Variants in TPD52L1 observed in about 807,000 individuals in gnomAD.
The protein encoded by TPD52L1 is TPD52 like 1.
TPD52L1 carries 18 observed loss-of-function variants against 28.7 expected under a neutral mutation model. The observed-to-expected ratio is 0.63, with a 90% CI of 0.43 to 0.93. The LOEUF (loss-of-function observed/expected upper bound fraction) is 0.93. TPD52L1 is among the 40% of genes least tolerant of loss of function. The pLI is 0.00. For synonymous variants in TPD52L1, 75 were observed against 88.8 expected, an observed-to-expected ratio of 0.84 and a Z score of 0.88; for missense variants, 203 against 254.8, an observed-to-expected ratio of 0.80 and a Z score of 1.39.
intron 1 of TPD52L1, among the ~76,000 whole-genome samples, chr6:125,163,831 C>G (rs1236347260): frequency 6.7e-6 from 1 of 149,118 alleles, no homozygotes; most frequent in African/African-American, 2.5e-5. Flanking sequence ...GCAGGAGAAT[C>G]ACTTGAACTT....
chr6:125,260,991 A>T lies in TPD52L1; in HGVS notation c.487-1843A>T, dbSNP rs1209037078. 6.0e-3 allele frequency: 261 copies of T among 43,256 alleles called. 22 individuals carry two copies. Among genetic ancestry groups the T allele is most frequent in the African/African-American group, 0.045 (243 of 5,410 alleles). The allele number at this position is 43,256 out of a possible 1,614,324, so 2.7% of individuals were successfully genotyped here. A position where few individuals can be genotyped will look rare whatever the true frequency, so the allele number is the denominator to read the frequency against. ...AAGAAAGAAAGAAAAGAAAAGAAAGAAAGAAAGAAAGAAAGAAAGAAAGAA... is the reference window on the plus strand; with the variant it reads ...AAGAAAGAAAGAAAAGAAAAGAAAGTAAGAAAGAAAGAAAGAAAGAAAGAA... On this transcript the variant is annotated intron_variant, in intron 6 of 6. Transcript: ENST00000534000.
At chr6:125,172,161 C>CTTTTCT (rs1415567083) in intron 1 of TPD52L1, among the ~76,000 whole-genome samples, 1 of 50,582 alleles carries the variant, frequency 2.0e-5, no homozygotes, top group Non-Finnish European at 4.1e-5. Flanking sequence ...TCTTTCTTTT[C>CTTTTCT]TTTCTTTCTT....
At chr6:125,246,806 C>T (rs149102287) in intron 3 of TPD52L1, among the ~76,000 whole-genome samples, 1 of 151,716 alleles carries the variant, frequency 6.6e-6, no homozygotes, top group Non-Finnish European at 1.5e-5. Flanking sequence ...CAAATTACCC[C>T]CTAGTCACCA....
intron 3 of TPD52L1, among the ~76,000 whole-genome samples, chr6:125,245,880 A>C (rs1011075605): frequency 6.6e-6 from 1 of 152,186 alleles, no homozygotes; most frequent in Non-Finnish European, 1.5e-5. Flanking sequence ...CCTCGCCCCT[A>C]CCTGTCTGCC....
chr6:125,172,124 CTT>C (rs1397345258), intron 1 of TPD52L1, among the ~76,000 whole-genome samples: 5 of 60,044 alleles, frequency 8.3e-5, no homozygotes, highest in East Asian at 1.6e-3. Context: ...TTCTTTCTTT[CTT>C]TCTTTCTTTC....
intron 3 of TPD52L1, among the ~76,000 whole-genome samples, chr6:125,243,856 G>A (rs1421666460): frequency 2.0e-5 from 3 of 151,892 alleles, no homozygotes; most frequent in Non-Finnish European, 4.4e-5. Flanking sequence ...ACCTTTCATG[G>A]GTGTTATAGA....
chr6:125,254,975 C>A (rs933012917), intron 5 of TPD52L1, among the ~76,000 whole-genome samples: 3 of 152,190 alleles, frequency 2.0e-5, no homozygotes, highest in Non-Finnish European at 2.9e-5. Flanking sequence ...GTATTTAGTT[C>A]TCTGTATTTG....
intron 2 of TPD52L1, among the ~76,000 whole-genome samples, chr6:125,220,597 C>T (rs927599624): frequency 1.3e-5 from 2 of 152,176 alleles, no homozygotes; most frequent in Non-Finnish European, 1.5e-5. Flanking sequence ...TCAACAATTA[C>T]TTTGAAATGA....
At chr6:125,229,058 G>T (rs1795783062) in intron 2 of TPD52L1, 60 bp from the exon 3 acceptor site, 2 of 1,569,274 alleles carry the variant, frequency 1.3e-6, no homozygotes, top group Non-Finnish European at 1.7e-6. Context: ...CAGAGCTTCT[G>T]TAAGTATCCT....
rs1791412592 is a variant in TPD52L1, at chr6:125,172,152, CTTT to C, written c.19+18183_19+18185del. 3.5e-4 allele frequency among the ~76,000 whole-genome samples: 18 copies of C among 51,344 alleles called. 1 individual carries two copies. The highest frequency in any genetic ancestry group is 1.3e-3 in the African/African-American group (15 of 11,510). The allele number at this position is 51,344 out of a possible 152,430, so 33.7% of individuals were successfully genotyped here. On this transcript the variant is annotated intron_variant, in intron 1 of 6. Transcript: ENST00000534000. ...TCTTTCTTTCTTTCTTTCTTTCTTT[CTTT>C]CTTTTCTTTCTTTCTTTCTTTCTTT...
chr6:125,177,998 A>G (rs989421206), intron 1 of TPD52L1, among the ~76,000 whole-genome samples: 2 of 152,186 alleles, frequency 1.3e-5, no homozygotes, highest in Admixed American at 1.3e-4. Context: ...ATTACTTACA[A>G]ATTTAGTAAC....
intron 1 of TPD52L1, among the ~76,000 whole-genome samples, chr6:125,172,173 CTTTCTTTCTT>C (rs1791437764): frequency 9.0e-6 from 1 of 111,132 alleles, no homozygotes; most frequent in Non-Finnish European, 1.8e-5. Context: ...TTCTTTCTTT[CTTTCTTTCTT>C]TCTTTCTTTC....
At chr6:125,230,506 T>C (rs1438466466) in intron 3 of TPD52L1, among the ~76,000 whole-genome samples, 2 of 152,186 alleles carry the variant, frequency 1.3e-5, no homozygotes, top group East Asian at 3.9e-4. Flanking sequence ...CAATTTTTCT[T>C]TCTCCTAGGC....
intron 1 of TPD52L1, among the ~76,000 whole-genome samples, chr6:125,181,115 G>C (rs962358103): frequency 3.9e-5 from 6 of 152,106 alleles, no homozygotes; most frequent in African/African-American, 1.4e-4. Context: ...AGTGAACCCA[G>C]TAATGAATAC....
intron 3 of TPD52L1, among the ~76,000 whole-genome samples, chr6:125,232,370 T>C (rs1054431017): frequency 3.3e-5 from 5 of 152,106 alleles, no homozygotes; most frequent in Admixed American, 6.6e-5. Context: ...CTTAATCATA[T>C]GTTTGGAGGA....
intron 1 of TPD52L1, among the ~76,000 whole-genome samples, chr6:125,183,042 A>C (rs1026296802): frequency 2.6e-5 from 4 of 152,202 alleles, no homozygotes; most frequent in African/African-American, 9.6e-5. Context: ...TCTTTATACA[A>C]TAAGTAGGAA....
At chr6:125,182,308 G>A (rs529474525) in intron 1 of TPD52L1, among the ~76,000 whole-genome samples, 2 of 152,312 alleles carry the variant, frequency 1.3e-5, no homozygotes, top group South Asian at 2.1e-4. Context: ...AGTGCACAGC[G>A]CTGTGTGACT....
intron 4 of TPD52L1, chr6:125,253,416 TG>T: frequency 9.7e-6 from 4 of 411,994 alleles, no homozygotes; most frequent in Non-Finnish European, 1.7e-5. Flanking sequence ...AAGATGCCCA[TG>T]GGCTACTGGG....
At chr6:125,172,604 TAA>T (rs1791564648) in intron 1 of TPD52L1, among the ~76,000 whole-genome samples, 1 of 123,016 alleles carries the variant, frequency 8.1e-6, no homozygotes, top group South Asian at 2.4e-4. Context: ...ATTATATATA[TAA>T]ATATATATAA....
Sources: allele counts gnomAD v4.1 joint callset (sites outside exome capture counted in the v4.1 genomes callset), GRCh38; gene constraint gnomAD v4.1.1; transcripts MANE v1.5; gene names NCBI Gene and HGNC (gene_info 2026-07-23, HGNC 2026-07-21).